DOCK3: variants seen among roughly 807,000 people sequenced by gnomAD.
The protein encoded by DOCK3 is dedicator of cytokinesis 3.
In DOCK3, 60 loss-of-function variants were observed where a neutral mutation model predicts 265.6. That is an observed-to-expected ratio of 0.23 (90% CI 0.18 to 0.28). DOCK3 has a LOEUF of 0.28. DOCK3 is among the 10% of genes least tolerant of loss of function. The pLI is 1.00. For missense variants in DOCK3, 1,981 were observed against 2,594.3 expected (o/e 0.76, Z 5.14); for synonymous variants, 881 against 938.0 (o/e 0.94, Z 1.11).
At chr3:50,792,608 C>G (rs1484964131) in intron 2 of DOCK3, among the ~76,000 whole-genome samples, 1 of 151,946 alleles carries the variant, frequency 6.6e-6, no homozygotes, top group Non-Finnish European at 1.5e-5. Flanking sequence ...ATATCTGTTA[C>G]TATTTCACCA....
intron 1 of DOCK3, among the ~76,000 whole-genome samples, chr3:50,682,177 T>C (rs542374716): frequency 2.6e-5 from 4 of 152,374 alleles, no homozygotes; most frequent in Non-Finnish European, 5.9e-5. Context: ...CTAGCATTCA[T>C]GGTTTATCAT....
chr3:50,934,660 TA>T (rs1480663962), intron 5 of DOCK3, among the ~76,000 whole-genome samples: 3 of 151,736 alleles, frequency 2.0e-5, no homozygotes, highest in Admixed American at 6.6e-5. Context: ...CTGCACAAAA[TA>T]AAAAATTTAG....
At chr3:51,251,359 T>C (rs2079224788) in intron 22 of DOCK3, among the ~76,000 whole-genome samples, 1 of 152,226 alleles carries the variant, frequency 6.6e-6, no homozygotes, top group Admixed American at 6.5e-5. Context: ...AGCAGCATGA[T>C]TTATAATCCT....
At chr3:51,292,787 C>T (rs1560370870) in intron 27 of DOCK3, among the ~76,000 whole-genome samples, 1 of 152,128 alleles carries the variant, frequency 6.6e-6, no homozygotes. Context: ...TAGAGATTCT[C>T]CCACCTCAGC....
intron 1 of DOCK3, among the ~76,000 whole-genome samples, chr3:50,762,774 G>A (rs2040613267): frequency 6.6e-6 from 1 of 152,012 alleles, no homozygotes; most frequent in Admixed American, 6.6e-5. Flanking sequence ...TCTGCATCCA[G>A]AATAAATCCC....
In DOCK3 at chr3:50,854,592, G is replaced by GTTTTTTTTTTTTTTTTTTTTT. The variant is rs71084118; in HGVS notation, c.162+12895_162+12896insTTTTTTTTTTTTTTTTTTTTT. Among the ~76,000 whole-genome samples, 75 of 47,218 alleles carry GTTTTTTTTTTTTTTTTTTTTT rather than the reference G, an allele frequency of 1.6e-3. 29 individuals carry two copies. The highest frequency in any genetic ancestry group is 2.6e-3 in the African/African-American group (30 of 11,758). The allele number at this position is 47,218 out of a possible 152,430, so 31.0% of individuals were successfully genotyped here. The stretch of plus-strand genomic sequence containing the variant: ...GCTACAGATGAGCACCATCACACCA[G>GTTTTTTTTTTTTTTTTTTTTT]TTTTTTTTTTTTTTTTTTGGTGGTC... On this transcript the variant is annotated intron_variant, in intron 3 of 52. Transcript: ENST00000266037.
rs2046497404 is a variant in DOCK3, at chr3:50,854,592, G to GTTTTTTTTTTGTTTTTTTTTTTT, written c.162+12887_162+12888insGTTTTTTTTTTTTTTTTTTTTTT. Among the ~76,000 whole-genome samples the GTTTTTTTTTTGTTTTTTTTTTTT allele has an allele frequency of 4.2e-5, 2 of 47,214 alleles. 1 individual carries two copies. Among genetic ancestry groups the GTTTTTTTTTTGTTTTTTTTTTTT allele is most frequent in the African/African-American group, 1.7e-4 (2 of 11,748 alleles). The allele number at this position is 47,214 out of a possible 152,430, so 31.0% of individuals were successfully genotyped here. A position where few individuals can be genotyped will look rare whatever the true frequency, so the allele number is the denominator to read the frequency against. Reference sequence around the variant, plus strand: ...GCTACAGATGAGCACCATCACACCAGTTTTTTTTTTTTTTTTTTGGTGGTC... The same window carrying GTTTTTTTTTTGTTTTTTTTTTTT: ...GCTACAGATGAGCACCATCACACCAGTTTTTTTTTTGTTTTTTTTTTTTTTTTTTTTTTTTTTTTTTGGTGGTC... On this transcript the variant is annotated intron_variant, in intron 3 of 52. Coordinates refer to ENST00000266037, the MANE Select transcript of DOCK3 (RefSeq NM_004947.5).
intron 14 of DOCK3, among the ~76,000 whole-genome samples, chr3:51,216,883 C>G (rs1158530771): frequency 6.6e-6 from 1 of 152,164 alleles, no homozygotes; most frequent in Non-Finnish European, 1.5e-5. Context: ...GTCCACCCAT[C>G]ATCTGTGAGA....
At chr3:51,142,616 C>T (rs1159745412) in intron 9 of DOCK3, among the ~76,000 whole-genome samples, 4 of 151,940 alleles carry the variant, frequency 2.6e-5, no homozygotes, top group African/African-American at 9.7e-5. Context: ...GTAGATTATT[C>T]ATTTATCCCC....
chr3:50,957,824 T>C (rs1161107733), intron 5 of DOCK3, among the ~76,000 whole-genome samples: 1 of 152,238 alleles, frequency 6.6e-6, no homozygotes, highest in African/African-American at 2.4e-5. Context: ...CTTCATTTGT[T>C]CAGACTTCAC....
At chr3:51,072,755 G>A (rs1345329664) in intron 6 of DOCK3, among the ~76,000 whole-genome samples, 1 of 152,088 alleles carries the variant, frequency 6.6e-6, no homozygotes, top group South Asian at 2.1e-4. Flanking sequence ...CCTGAAGCCC[G>A]AGTGAAGTGA....
intron 9 of DOCK3, among the ~76,000 whole-genome samples, chr3:51,145,892 C>A (rs1049156646): frequency 6.6e-6 from 1 of 152,160 alleles, no homozygotes; most frequent in Non-Finnish European, 1.5e-5. Flanking sequence ...TAGTTAAATT[C>A]TCATAAGGAG....
At chr3:50,887,562 AAG>A (rs1350350816) in intron 3 of DOCK3, among the ~76,000 whole-genome samples, 7 of 84,372 alleles carry the variant, frequency 8.3e-5, no homozygotes, top group African/African-American at 1.9e-4. Context: ...ACACAACAAA[AAG>A]AGAAAATTTT....
intron 2 of DOCK3, among the ~76,000 whole-genome samples, chr3:50,828,347 G>T (rs543451223): frequency 6.6e-6 from 1 of 152,096 alleles, no homozygotes; most frequent in African/African-American, 2.4e-5. Context: ...TGCAACTATG[G>T]TCTATATTTT....
intron 3 of DOCK3, among the ~76,000 whole-genome samples, chr3:50,855,858 C>T (rs149219390): frequency 1.3e-5 from 2 of 152,122 alleles, no homozygotes; most frequent in African/African-American, 2.4e-5. Context: ...CCTGACAGGC[C>T]CCAGTATGTG....
chr3:51,285,458 CAAAG>C, intron 27 of DOCK3, among the ~76,000 whole-genome samples: 1 of 151,536 alleles, frequency 6.6e-6, no homozygotes, highest in African/African-American at 2.4e-5. Flanking sequence ...AGAATTTCAA[CAAAG>C]AAACAGAAAG....
At chr3:51,022,094 A>G (rs944365504) in intron 5 of DOCK3, among the ~76,000 whole-genome samples, 1 of 152,186 alleles carries the variant, frequency 6.6e-6, no homozygotes, top group Admixed American at 6.5e-5. Flanking sequence ...TTAAAGTTAG[A>G]AATTTGTATT....
At chr3:50,951,515 G>A (rs1297497331) in intron 5 of DOCK3, among the ~76,000 whole-genome samples, 1 of 152,114 alleles carries the variant, frequency 6.6e-6, no homozygotes, top group Non-Finnish European at 1.5e-5. Context: ...ATGTAAAAAT[G>A]ATATTGAAAT....
At chr3:50,910,351 C>A (rs1425551890) in intron 4 of DOCK3, among the ~76,000 whole-genome samples, 1 of 152,068 alleles carries the variant, frequency 6.6e-6, no homozygotes, top group Non-Finnish European at 1.5e-5. Context: ...CTAGGCAGTG[C>A]AGCTCAGGGA....
Sources: allele counts gnomAD v4.1 joint callset (sites outside exome capture counted in the v4.1 genomes callset), GRCh38; gene constraint gnomAD v4.1.1; transcripts MANE v1.5; gene names NCBI Gene and HGNC (gene_info 2026-07-23, HGNC 2026-07-21).